CRIPT: variants seen among roughly 807,000 people sequenced by gnomAD.
The protein encoded by CRIPT is cysteine-rich PDZ-binding protein.
In CRIPT, 20 loss-of-function variants were observed where a neutral mutation model predicts 16.6. The ratio of observed to expected loss-of-function variants is 1.20; its 90% CI spans 0.85 to 1.75. CRIPT has a LOEUF of 1.75. Ranked by LOEUF, CRIPT falls within the 40% of genes most tolerant of loss-of-function variation. The pLI is 0.00. For synonymous variants in CRIPT, 42 were observed against 37.0 expected, an observed-to-expected ratio of 1.14 and a Z score of -0.49; for missense variants, 133 against 115.3, an observed-to-expected ratio of 1.15 and a Z score of -0.70.
At chr2:46,617,474 A>G (rs1401634072) in intron 1 of CRIPT, among the ~76,000 whole-genome samples, 176 bp downstream of exon 1, 1 of 152,024 alleles carries the variant, frequency 6.6e-6, no homozygotes, top group African/African-American at 2.4e-5. Flanking sequence ...ATACAGTCCT[A>G]TATATTTTGT....
intron 2 of CRIPT, 112 bp downstream of exon 2, chr2:46,618,950 A>G (rs1397246227): frequency 1.7e-5 from 11 of 637,422 alleles, no homozygotes; most frequent in Admixed American, 3.2e-5. Context: ...TATTTTATCT[A>G]TTAAACATTA....
At chr2:46,621,364 G>A (rs781049997) in intron 3 of CRIPT, among the ~76,000 whole-genome samples, 1 of 152,154 alleles carries the variant, frequency 6.6e-6, no homozygotes, top group African/African-American at 2.4e-5. Context: ...ACTTGCTGCT[G>A]TCTCCTAGGA....
At position 46,628,112 on chromosome 2, in the gene CRIPT, C is replaced by CTT. The variant is rs778723366; in HGVS notation, c.*3899_*3900dup. Among the ~76,000 whole-genome samples the CTT allele has an allele frequency of 1.0e-3, 143 of 137,342 alleles. 1 individual carries two copies. Among genetic ancestry groups the CTT allele is most frequent in the African/African-American group, 2.5e-3 (92 of 36,834 alleles). The allele number at this position is 137,342 out of a possible 152,430, so 90.1% of individuals were successfully genotyped here. ...ATATGAATTTTAGAATGGATTTTTT[C>CTT]TTTTTTTTTTTTTTTGAGACGGAGT... On this transcript the variant is annotated 3_prime_UTR_variant, in exon 5 of 5. Coordinates refer to ENST00000238892, the MANE Select transcript of CRIPT (RefSeq NM_014171.6).
intron 2 of CRIPT, among the ~76,000 whole-genome samples, chr2:46,619,236 C>T (rs1375620190): frequency 6.6e-6 from 1 of 151,962 alleles, no homozygotes; most frequent in African/African-American, 2.4e-5. Context: ...TCATTAATTA[C>T]TTATGATGAA....
chr2:46,623,943 G>A (rs957480985), intron 4 of CRIPT, 76 bp downstream of exon 4: 23 of 1,044,792 alleles, frequency 2.2e-5, no homozygotes, highest in Non-Finnish European at 3.1e-5. Flanking sequence ...CAGAAAAGAT[G>A]TAGCCTGTCA....
At position 46,617,257 on chromosome 2, in the gene CRIPT, G is replaced by T; in HGVS notation, c.-26G>T. Reference sequence around the variant, plus strand: ...AGCCTGCTGCTGCTGCTGCTGTTGCGGCTAGGGGAACCGTCGTGGGGAAGG... The same window carrying T: ...AGCCTGCTGCTGCTGCTGCTGTTGCTGCTAGGGGAACCGTCGTGGGGAAGG... On this transcript the variant is annotated 5_prime_UTR_variant, in exon 1 of 5. Coordinates refer to ENST00000238892, the MANE Select transcript of CRIPT (RefSeq NM_014171.6). 1 of 1,554,040 alleles carries T rather than the reference G, an allele frequency of 6.4e-7. No homozygotes were observed.
intron 1 of CRIPT, among the ~76,000 whole-genome samples, chr2:46,617,581 A>G (rs1381299428): frequency 6.6e-6 from 1 of 152,190 alleles, no homozygotes; most frequent in African/African-American, 2.4e-5. Context: ...AAAAATGTGC[A>G]GTTAAACCCC....
chr2:46,623,669 G>T, intron 3 of CRIPT, 95 bp from the exon 4 acceptor site: 1 of 647,702 alleles, frequency 1.5e-6, no homozygotes, highest in South Asian at 1.9e-5. Context: ...GAGGGATGGA[G>T]AGCATGGATT....
chr2:46,627,130 G>A lies in CRIPT; in HGVS notation c.*2903G>A, dbSNP rs573444972. ...TTACAGGAGTGAGCCACCACACCTG[G>A]CCACGAGTTACTTGGTTTTCGTTTT... On this transcript the variant is annotated 3_prime_UTR_variant, in exon 5 of 5. Transcript: ENST00000238892. Among the ~76,000 whole-genome samples, 1 of 152,230 alleles carries A rather than the reference G, an allele frequency of 6.6e-6. No individual in the cohort carries two copies. Among genetic ancestry groups the A allele is most frequent in the East Asian group, 1.9e-4 (1 of 5,184 alleles).
At chr2:46,619,560 A>T in intron 2 of CRIPT, 67 bp from the exon 3 acceptor site, 1 of 1,090,034 alleles carries the variant, frequency 9.2e-7, no homozygotes, top group Non-Finnish European at 1.3e-6. Flanking sequence ...TCAAGGAATG[A>T]ACTTCTTAAT....
chr2:46,623,893 T>C, intron 4 of CRIPT, 26 bp downstream of exon 4: 1 of 1,500,078 alleles, frequency 6.7e-7, no homozygotes, highest in Non-Finnish European at 9.2e-7. Flanking sequence ...TACCGTTTTC[T>C]ATTCATAAAA....
At chr2:46,623,672 C>T in intron 3 of CRIPT, 92 bp from the exon 4 acceptor site, 1 of 657,066 alleles carries the variant, frequency 1.5e-6, no homozygotes, top group South Asian at 1.9e-5. Context: ...GGATGGAGAG[C>T]ATGGATTAAT....
Position 46,620,585 on chromosome 2 carries a change from C to T in CRIPT, c.137+904C>T, listed in dbSNP as rs972343596. Among the ~76,000 whole-genome samples the T allele has an allele frequency of 4.6e-5, 7 of 151,862 alleles. No homozygotes were observed. The South Asian group carries it at 8.3e-4, about 18-fold the overall frequency. On this transcript the variant is annotated intron_variant, in intron 3 of 4. Transcript: ENST00000238892. The stretch of plus-strand genomic sequence containing the variant: ...CTTTCCCTCCTTCAGCCACTCTAGT[C>T]ATGTGTTATCCCCACAACAGCCCTG...
At chr2:46,619,803 A>C in intron 3 of CRIPT, 122 bp downstream of exon 3, 1 of 668,176 alleles carries the variant, frequency 1.5e-6, no homozygotes, top group East Asian at 2.9e-5. Flanking sequence ...GGTTCCTAGC[A>C]CTCAGAACCA....
chr2:46,623,838 A>G lies in CRIPT; in HGVS notation c.212A>G (p.His71Arg). 2 of 1,606,980 alleles carry G rather than the reference A, an allele frequency of 1.2e-6. No individual in the cohort carries two copies. Among genetic ancestry groups the G allele is most frequent in the African/African-American group, 1.3e-5 (1 of 74,846 alleles). ...AGTTCTGTGCACCAACCAGGTTCTC[A>G]TTACTGCCAGGGCTGTGCCTACAAA... ...CKSSVHQPGS[H>R]YCQGCAYKKG... Residue 71 changes from histidine (H) to arginine (R), a missense_variant, in exon 4 of 5, where the codon CAT becomes CGT. Transcript: ENST00000238892.
intron 3 of CRIPT, among the ~76,000 whole-genome samples, chr2:46,622,757 A>G (rs149650734): frequency 0.01 from 1,528 of 152,016 alleles, 31 homozygotes; most frequent in South Asian, 0.046. Context: ...AGGTTGCAGT[A>G]AGCCAAGATT....
intron 3 of CRIPT, among the ~76,000 whole-genome samples, chr2:46,620,869 C>T (rs1287661508): frequency 6.6e-6 from 1 of 151,922 alleles, no homozygotes; most frequent in African/African-American, 2.4e-5. Context: ...GTCTTCTCAT[C>T]ATAGTAGCAC....
At chr2:46,619,876 A>T (rs1670760960) in intron 3 of CRIPT, among the ~76,000 whole-genome samples, 195 bp downstream of exon 3, 1 of 152,178 alleles carries the variant, frequency 6.6e-6, no homozygotes. Context: ...ATATATGAAG[A>T]TATTAGTGTT....
rs1670888497 is a variant in CRIPT at position 46,624,564 on chromosome 2, A to C, written c.*337A>C. 6.0e-6 allele frequency: 1 copy of C among 165,706 alleles called. No individual in the cohort carries two copies. Among genetic ancestry groups the C allele is most frequent in the South Asian group, 2.0e-4 (1 of 5,054 alleles). 10.3% of individuals were successfully genotyped at this position (165,706 alleles called of 1,614,324 possible). On this transcript the variant is annotated 3_prime_UTR_variant, in exon 5 of 5. Transcript: ENST00000238892. Reference sequence around the variant, plus strand: ...ATACTGCAAAAGTGAGAAGGAGATAATAGATACTTTGCTCTGAATTTGGCA... The same window carrying C: ...ATACTGCAAAAGTGAGAAGGAGATACTAGATACTTTGCTCTGAATTTGGCA...
Sources: allele counts gnomAD v4.1 joint callset (sites outside exome capture counted in the v4.1 genomes callset), GRCh38; gene constraint gnomAD v4.1.1; transcripts MANE v1.5; gene names NCBI Gene and HGNC (gene_info 2026-07-23, HGNC 2026-07-21).